KIAA1217: variants seen among roughly 807,000 people sequenced by gnomAD.
The protein encoded by KIAA1217 is KIAA1217.
A neutral mutation model predicts 163.9 loss-of-function variants in KIAA1217; 88 were observed. The observed-to-expected ratio is 0.54, with a 90% CI of 0.45 to 0.64. The LOEUF is 0.64. Among genes scored for constraint, KIAA1217 ranks in the 30% least tolerant of loss-of-function variants. The probability of loss-of-function intolerance (pLI) is 0.00; values close to 1 mark genes in which losing one functional copy is unlikely to be tolerated. For synonymous variants in KIAA1217, 903 were observed against 923.1 expected (o/e 0.98, Z 0.39); for missense variants, 2,372 against 2,475.0 (o/e 0.96, Z 0.88).
Position 23,814,572 on chromosome 10 carries a change from G to T in KIAA1217, c.-321+119338G>T, listed in dbSNP as rs533918570. On this transcript the variant is annotated intron_variant, in intron 1 of 18. Transcript: ENST00000376462. The stretch of plus-strand genomic sequence containing the variant: ...TAAGTATTAAATGAACAAGTTATGG[G>T]AAAACTTTTTAAAAATTTGCTTGGA... Among the ~76,000 whole-genome samples the T allele has an allele frequency of 2.0e-5, 3 of 152,266 alleles. No homozygotes were observed. The South Asian group carries it at 6.2e-4, about 32-fold the overall frequency.
At chr10:24,324,651 A>G (rs146899394) in intron 2 of KIAA1217, among the ~76,000 whole-genome samples, 48 of 152,340 alleles carry the variant, frequency 3.2e-4, no homozygotes, top group African/African-American at 1.0e-3. Flanking sequence ...TGAGAGTATT[A>G]GTAAGGACTC....
At chr10:23,924,964 A>T (rs1554824702) in intron 1 of KIAA1217, among the ~76,000 whole-genome samples, 1 of 151,840 alleles carries the variant, frequency 6.6e-6, no homozygotes, top group Admixed American at 6.6e-5. Context: ...TTAAAAAAAA[A>T]TCCAGTAGCC....
chr10:24,283,293 G>A (rs2078167015), intron 2 of KIAA1217, among the ~76,000 whole-genome samples: 1 of 152,166 alleles, frequency 6.6e-6, no homozygotes, highest in Admixed American at 6.5e-5. Flanking sequence ...TTTTCAGAGT[G>A]GCTTCTTCCA....
intron 1 of KIAA1217, among the ~76,000 whole-genome samples, chr10:23,745,484 G>A (rs1007832555): frequency 6.6e-6 from 1 of 152,114 alleles, no homozygotes; most frequent in Non-Finnish European, 1.5e-5. Flanking sequence ...TCATATTACT[G>A]ATTATCATGG....
At chr10:24,065,326 G>T (rs1467929738) in intron 2 of KIAA1217, among the ~76,000 whole-genome samples, 1 of 152,022 alleles carries the variant, frequency 6.6e-6, no homozygotes, top group Admixed American at 6.6e-5. Flanking sequence ...GTGTCCCAGA[G>T]ATTCTGGTAT....
chr10:23,974,174 T>A (rs570488978), intron 1 of KIAA1217, among the ~76,000 whole-genome samples: 1 of 152,058 alleles, frequency 6.6e-6, no homozygotes, highest in South Asian at 2.1e-4. Flanking sequence ...GGCAGAGGAG[T>A]GAAAGCGTGT....
chr10:23,820,144 A>G (rs1049341683), intron 1 of KIAA1217, among the ~76,000 whole-genome samples: 10 of 152,210 alleles, frequency 6.6e-5, no homozygotes, highest in Admixed American at 6.5e-4. Flanking sequence ...AAGAGTCTAC[A>G]TTTTAATTGT....
chr10:24,545,717 T>C (rs906239962), intron 20 of KIAA1217, 110 bp from the exon 21 acceptor site: 3 of 1,507,762 alleles, frequency 2.0e-6, no homozygotes, highest in African/African-American at 1.4e-5. Flanking sequence ...CTGTGTTTGG[T>C]TGGTTTTCTT....
intron 1 of KIAA1217, among the ~76,000 whole-genome samples, chr10:23,933,360 C>A (rs1288788881): frequency 6.6e-6 from 1 of 152,184 alleles, no homozygotes; most frequent in Non-Finnish European, 1.5e-5. Context: ...GTTCCAGAGA[C>A]CCAGGACGTG....
At chr10:23,718,140 A>G (rs1205143190) in intron 1 of KIAA1217, among the ~76,000 whole-genome samples, 3 of 152,158 alleles carry the variant, frequency 2.0e-5, no homozygotes, top group Non-Finnish European at 4.4e-5. Context: ...CCAGTTCCAA[A>G]ACCAATGGCC....
At chr10:24,140,174 A>G (rs1020585382) in intron 2 of KIAA1217, among the ~76,000 whole-genome samples, 3 of 152,066 alleles carry the variant, frequency 2.0e-5, no homozygotes, top group Non-Finnish European at 4.4e-5. Flanking sequence ...CCTGGCTAAC[A>G]CAGTGAAACC....
chr10:24,264,706 A>G (rs560324277), intron 2 of KIAA1217, among the ~76,000 whole-genome samples: 2 of 151,416 alleles, frequency 1.3e-5, no homozygotes, highest in Admixed American at 6.6e-5. Context: ...GTTTGTTACC[A>G]CCAACATTTT....
intron 1 of KIAA1217, among the ~76,000 whole-genome samples, chr10:23,912,998 T>C (rs1842498796): frequency 6.6e-6 from 1 of 152,198 alleles, no homozygotes. Context: ...GTTTCTCTTC[T>C]GAGTTGTCTA....
chr10:23,732,499 A>G (rs1357851927), intron 1 of KIAA1217, among the ~76,000 whole-genome samples: 2 of 152,174 alleles, frequency 1.3e-5, no homozygotes, highest in African/African-American at 2.4e-5. Flanking sequence ...TATAGTATAC[A>G]GGAGGATGTG....
At chr10:24,047,813 T>C (rs1849149022) in intron 2 of KIAA1217, among the ~76,000 whole-genome samples, 1 of 152,212 alleles carries the variant, frequency 6.6e-6, no homozygotes, top group Non-Finnish European at 1.5e-5. Flanking sequence ...AAATTTATTC[T>C]GGACCCTGCT....
intron 2 of KIAA1217, among the ~76,000 whole-genome samples, chr10:24,123,679 C>A (rs1008317554): frequency 2.0e-5 from 3 of 152,108 alleles, no homozygotes; most frequent in Admixed American, 6.6e-5. Flanking sequence ...CCACCCCAGA[C>A]CAATTAAATC....
intron 2 of KIAA1217, among the ~76,000 whole-genome samples, chr10:24,238,002 A>ATGAT (rs373505685): frequency 9.4e-4 from 143 of 152,314 alleles, no homozygotes; most frequent in African/African-American, 3.3e-3. Flanking sequence ...TTTTTAACCT[A>ATGAT]TGATTGCTCT....
chr10:23,714,403 T>C (rs983142829), intron 1 of KIAA1217, among the ~76,000 whole-genome samples: 11 of 152,068 alleles, frequency 7.2e-5, no homozygotes, highest in African/African-American at 2.4e-4. Context: ...CAAGCAAGGA[T>C]GAGAACTTGG....
chr10:24,008,895 C>T lies in KIAA1217; in HGVS notation c.-171+1521C>T, dbSNP rs564116718. On this transcript the variant is annotated intron_variant, in intron 2 of 18. Transcript: ENST00000376462. ...AGAGCTAGGCTAAACTTAGAGTCAG[C>T]AGACTACCATAAATAACCTGTGTTC... 5.4e-4 allele frequency among the ~76,000 whole-genome samples: 82 copies of T among 152,302 alleles called. No homozygotes were observed. The Middle Eastern group carries it at 0.02, about 38-fold the overall frequency.
Sources: gnomAD v4.1 joint callset for allele counts (sites outside exome capture counted in the v4.1 genomes callset) on GRCh38, gnomAD v4.1.1 for gene constraint, MANE v1.5 for transcripts, NCBI Gene and HGNC (gene_info 2026-07-23, HGNC 2026-07-21) for gene names.